Variants in BLTP1 observed in about 807,000 individuals in gnomAD.
BLTP1 encodes the protein bridge-like lipid transfer protein family member 1.
the BLTP1 span, chr4:122,187,009 T>A: frequency 1.0e-6 from 1 of 985,112 alleles, no homozygotes; most frequent in East Asian, 1.1e-4. Context: ...CTGGATTGTT[T>A]TCAGAAGTGC....
chr4:122,177,502 GAAC>G, the BLTP1 span, among the ~76,000 whole-genome samples: 1 of 152,070 alleles, frequency 6.6e-6, no homozygotes. Context: ...ATCTCACTCA[GAAC>G]AACACCAAGG....
chr4:122,266,239 C>T, the BLTP1 span, among the ~76,000 whole-genome samples: 3 of 152,332 alleles, frequency 2.0e-5, no homozygotes, highest in South Asian at 6.2e-4. Context: ...CCAGAATAAT[C>T]TATCTCCATA....
At chr4:122,185,015 G>A in the BLTP1 span, 3 of 984,994 alleles carry the variant, frequency 3.0e-6, no homozygotes, top group Non-Finnish European at 3.6e-6. Context: ...AAAGCTATGT[G>A]GGGCAAGAGA....
the BLTP1 span, chr4:122,359,501 A>G: frequency 6.4e-7 from 1 of 1,566,366 alleles, no homozygotes; most frequent in South Asian, 1.2e-5. Flanking sequence ...ATTCTGTTCT[A>G]ATTCTTATGG....
At chr4:122,359,754 G>T in the BLTP1 span, 1 of 1,562,948 alleles carries the variant, frequency 6.4e-7, no homozygotes. Context: ...TTACCCATAT[G>T]CTAAGGGATT....
At chr4:122,352,356 T>C in the BLTP1 span, among the ~76,000 whole-genome samples, 4,600 of 126,212 alleles carry the variant, frequency 0.036, 140 homozygotes, top group African/African-American at 0.13. Flanking sequence ...TTGGTTTTTC[T>C]TTTTTTTTTT....
chr4:122,255,157 A>T, the BLTP1 span: 4 of 1,604,238 alleles, frequency 2.5e-6, no homozygotes, highest in Non-Finnish European at 3.4e-6. Context: ...TTCCCCTAAG[A>T]AGTAAATACA....
the BLTP1 span, among the ~76,000 whole-genome samples, chr4:122,186,698 C>A: frequency 6.6e-6 from 1 of 151,928 alleles, no homozygotes; most frequent in Non-Finnish European, 1.5e-5. Context: ...AAATACATAT[C>A]TGTGTATGTA....
the BLTP1 span, chr4:122,271,716 G>A: frequency 6.4e-7 from 1 of 1,557,480 alleles, no homozygotes. Context: ...GAAACATTTG[G>A]ACCAGCAGGT....
chr4:122,175,955 A>C, the BLTP1 span: 13 of 962,850 alleles, frequency 1.4e-5, no homozygotes, highest in Admixed American at 5.9e-5. Context: ...GTTCAATCAT[A>C]TAATCAGGAT....
At chr4:122,285,326 A>G in the BLTP1 span, among the ~76,000 whole-genome samples, 4 of 152,192 alleles carry the variant, frequency 2.6e-5, no homozygotes, top group Non-Finnish European at 5.9e-5. Context: ...GGATTATTTC[A>G]ATCTTGGCGT....
the BLTP1 span, among the ~76,000 whole-genome samples, chr4:122,256,370 G>C: frequency 6.6e-6 from 1 of 152,156 alleles, no homozygotes; most frequent in African/African-American, 2.4e-5. Flanking sequence ...CTTGAACAGA[G>C]AGAATGGCAG....
chr4:122,166,467 G>T, the BLTP1 span, among the ~76,000 whole-genome samples: 5,432 of 152,208 alleles, frequency 0.036, 337 homozygotes, highest in African/African-American at 0.12. Context: ...TGCTGTTTTG[G>T]TTACTGTAGC....
the BLTP1 span, chr4:122,246,767 G>A: frequency 6.2e-7 from 1 of 1,613,046 alleles, no homozygotes; most frequent in East Asian, 2.2e-5. Flanking sequence ...TTCCCTAGTG[G>A]CATTGTGTTT....
the BLTP1 span, among the ~76,000 whole-genome samples, chr4:122,221,488 GGTTAA>G: frequency 6.6e-6 from 1 of 151,924 alleles, no homozygotes. Context: ...TTTTTTCCAT[GGTTAA>G]GTTATTTTAC....
the BLTP1 span, among the ~76,000 whole-genome samples, chr4:122,205,502 T>C: frequency 1.3e-5 from 1 of 77,000 alleles, no homozygotes; most frequent in Non-Finnish European, 3.0e-5. Context: ...CAATTGTTTC[T>C]CTCTCTCTCT....
the BLTP1 span, among the ~76,000 whole-genome samples, chr4:122,273,869 A>C: frequency 6.6e-6 from 1 of 152,092 alleles, no homozygotes; most frequent in African/African-American, 2.4e-5. Context: ...ATAATGCTAA[A>C]TGAAAAAAGT....
At chr4:122,291,525 G>A in the BLTP1 span, among the ~76,000 whole-genome samples, 1 of 152,092 alleles carries the variant, frequency 6.6e-6, no homozygotes, top group Non-Finnish European at 1.5e-5. Flanking sequence ...TGTTATGTAG[G>A]AAGACTAATG....
the BLTP1 span, among the ~76,000 whole-genome samples, chr4:122,162,960 A>G: frequency 6.6e-6 from 1 of 152,184 alleles, no homozygotes; most frequent in African/African-American, 2.4e-5. Context: ...GCACATATGT[A>G]TGCTCTGGAT....
Sources: gnomAD v4.1 joint callset for allele counts (sites outside exome capture counted in the v4.1 genomes callset) on GRCh38, gnomAD v4.1.1 for gene constraint, MANE v1.5 for transcripts, NCBI Gene and HGNC (gene_info 2026-07-23, HGNC 2026-07-21) for gene names.